Variants in LINGO1 observed in about 807,000 individuals in gnomAD.
LINGO1 encodes the protein leucine rich repeat and Ig domain containing 1.
In LINGO1, 11 loss-of-function variants were observed where a neutral mutation model predicts 37.3. The observed-to-expected ratio is 0.29, with a 90% CI of 0.19 to 0.49. The LOEUF is 0.49. Ranked by LOEUF, LINGO1 falls within the 20% of genes least tolerant of loss-of-function variation. The probability of loss-of-function intolerance (pLI) is 0.99; values close to 1 mark genes in which losing one functional copy is unlikely to be tolerated. For missense variants in LINGO1, 585 were observed against 878.2 expected, an observed-to-expected ratio of 0.67 and a Z score of 4.22; for synonymous variants, 387 against 403.0, an observed-to-expected ratio of 0.96 and a Z score of 0.48.
At chr15:77,750,158 A>G (rs1010473983) in intron 1 of LINGO1, among the ~76,000 whole-genome samples, 8 of 151,712 alleles carry the variant, frequency 5.3e-5, no homozygotes, top group East Asian at 1.9e-4. Flanking sequence ...AGCCTTGCCA[A>G]TGGCCCCTTC....
chr15:77,690,381 C>CT (rs1426188323), intron 2 of LINGO1, among the ~76,000 whole-genome samples: 1 of 152,186 alleles, frequency 6.6e-6, no homozygotes, highest in East Asian at 1.9e-4. Context: ...TGCCAGGCAT[C>CT]TTTTGACCAT....
Position 77,704,524 on chromosome 15 carries a change from G to A in LINGO1, c.-194-13623C>T, listed in dbSNP as rs538078119. ...TGAGTCCTGACACTGATCACACGCT[G>A]AGCCCCAACCCTGGCCACACACTGA... is the stretch of plus-strand genomic sequence containing the variant. On this transcript the variant is annotated intron_variant, in intron 2 of 3. Coordinates refer to the LINGO1 transcript ENST00000561686. 2.1e-4 allele frequency among the ~76,000 whole-genome samples: 31 copies of A among 151,202 alleles called. 1 individual carries two copies. The highest frequency in any genetic ancestry group is 7.3e-4 in the African/African-American group (30 of 40,848).
intron 3 of LINGO1, chr15:77,641,862 T>C (rs1314092485): frequency 2.2e-6 from 1 of 456,478 alleles, no homozygotes; most frequent in African/African-American, 2.0e-5. Context: ...CCTGATAGGC[T>C]GAGGCCAGCT....
chr15:77,740,831 CA>C (rs1456920298), intron 1 of LINGO1, among the ~76,000 whole-genome samples: 1 of 152,198 alleles, frequency 6.6e-6, no homozygotes, highest in Non-Finnish European at 1.5e-5. Context: ...CTTCAACCCC[CA>C]AAAGGCCAGG....
chr15:77,651,484 G>A (rs1030447033), intron 3 of LINGO1: 4 of 152,210 alleles, frequency 2.6e-5, no homozygotes, highest in African/African-American at 9.7e-5. Flanking sequence ...GGAAAAAGTG[G>A]TAACAGTTCC....
At chr15:77,629,029 A>G (rs558916121) in intron 1 of LINGO1, among the ~76,000 whole-genome samples, 1 of 152,342 alleles carries the variant, frequency 6.6e-6, no homozygotes, top group Admixed American at 6.5e-5. Flanking sequence ...CCTAATTGTC[A>G]CGACCTCCCT....
intron 2 of LINGO1, among the ~76,000 whole-genome samples, chr15:77,701,998 C>T (rs2141275698): frequency 6.6e-6 from 1 of 152,292 alleles, no homozygotes; most frequent in Non-Finnish European, 1.5e-5. Context: ...GGACCCAAGC[C>T]ACCTGGGGGC....
chr15:77,799,324 G>A (rs1227091242), intron 1 of LINGO1, among the ~76,000 whole-genome samples: 1 of 152,182 alleles, frequency 6.6e-6, no homozygotes, highest in African/African-American at 2.4e-5. Context: ...AGGAGCCCAG[G>A]GAAGGGTCCC....
intron 3 of LINGO1, among the ~76,000 whole-genome samples, chr15:77,654,739 TG>T (rs150069099): frequency 0.052 from 7,900 of 152,242 alleles, 235 homozygotes; most frequent in East Asian, 0.12. Flanking sequence ...TGGGTAATCT[TG>T]GGTAAGTTAC....
At chr15:77,620,894 G>A (rs957207949) in intron 1 of LINGO1, among the ~76,000 whole-genome samples, 6 of 152,110 alleles carry the variant, frequency 3.9e-5, no homozygotes, top group African/African-American at 1.4e-4. Flanking sequence ...ACACTGAGAG[G>A]GCTCAGGAGT....
At chr15:77,790,912 C>T (rs1355194087), upstream of LINGO1, among the ~76,000 whole-genome samples, 1 of 152,168 alleles carries the variant, frequency 6.6e-6, no homozygotes, top group East Asian at 1.9e-4. Flanking sequence ...GTCAGAGGAC[C>T]ACGATCTCAG....
chr15:77,646,602 C>G, intron 3 of LINGO1: 1 of 328,392 alleles, frequency 3.0e-6, no homozygotes, highest in Non-Finnish European at 6.1e-6. Context: ...AGCCTCTCTC[C>G]TTGGGGCAGA....
At position 77,704,374 on chromosome 15, in the gene LINGO1, C is replaced by G. The variant is rs549984019; in HGVS notation, c.-194-13473G>C. On this transcript the variant is annotated intron_variant, in intron 2 of 3. Transcript: ENST00000561686. ...ACACATTAAGCCCCGACGCTGGTCA[C>G]ATACTGAACCCCGACCCTGATCACA... 2.6e-3 allele frequency among the ~76,000 whole-genome samples: 388 copies of G among 151,516 alleles called. 5 individuals carry two copies. The highest frequency in any genetic ancestry group is 9.2e-3 in the African/African-American group (377 of 40,814).
Position 77,748,032 on chromosome 15 carries a change from G to A in LINGO1, c.-256-12979C>T, listed in dbSNP as rs141085894. On this transcript the variant is annotated intron_variant, in intron 1 of 3. Coordinates refer to the LINGO1 transcript ENST00000561686. ...AGAGCCAAGATTTGAACCCCGGTGC[G>A]ACAGAGCCCAAAGCCAACCTTTCCC... is the stretch of plus-strand genomic sequence containing the variant. 6.6e-4 allele frequency among the ~76,000 whole-genome samples: 101 copies of A among 152,320 alleles called. 1 individual carries two copies. The East Asian group carries it at 0.013, about 20-fold the overall frequency.
At chr15:77,640,884 C>T (rs1192651884) in intron 3 of LINGO1, among the ~76,000 whole-genome samples, 4 of 151,870 alleles carry the variant, frequency 2.6e-5, no homozygotes, top group Non-Finnish European at 4.4e-5. Flanking sequence ...ACATTTGCCA[C>T]AGTTTTCTCT....
intron 3 of LINGO1, among the ~76,000 whole-genome samples, chr15:77,668,710 C>T (rs1336613459): frequency 1.3e-5 from 2 of 151,828 alleles, no homozygotes; most frequent in East Asian, 1.9e-4. Flanking sequence ...CAGAGACACA[C>T]GTGGAAACAC....
chr15:77,705,160 C>T (rs944883948), intron 2 of LINGO1, among the ~76,000 whole-genome samples: 6 of 150,136 alleles, frequency 4.0e-5, no homozygotes, highest in Non-Finnish European at 8.9e-5. Flanking sequence ...AAGATACCCC[C>T]CTCCCCCTGC....
chr15:77,789,984 C>T (rs1460463581), upstream of LINGO1, among the ~76,000 whole-genome samples: 1 of 152,132 alleles, frequency 6.6e-6, no homozygotes, highest in Non-Finnish European at 1.5e-5. Flanking sequence ...GTTGCCCAGG[C>T]TGGTCTCAAA....
chr15:77,744,920 G>T (rs1274080042), intron 1 of LINGO1, among the ~76,000 whole-genome samples: 1 of 149,718 alleles, frequency 6.7e-6, no homozygotes, highest in Non-Finnish European at 1.5e-5. Context: ...ATTTGAGACC[G>T]GCCTGGCCAA....
Sources: allele counts gnomAD v4.1 joint callset (sites outside exome capture counted in the v4.1 genomes callset), GRCh38; gene constraint gnomAD v4.1.1; transcripts MANE v1.5; gene names NCBI Gene and HGNC (gene_info 2026-07-23, HGNC 2026-07-21).